RBL1: variants seen among roughly 807,000 people sequenced by gnomAD.
The protein encoded by RBL1 is RB transcriptional corepressor like 1, also known as retinoblastoma-like protein 1.
A neutral mutation model predicts 123.0 loss-of-function variants in RBL1; 82 were observed. That is an observed-to-expected ratio of 0.67 (90% CI 0.56 to 0.80). The LOEUF (loss-of-function observed/expected upper bound fraction) is 0.80, where lower values mean the gene tolerates loss of function less well. Among genes scored for constraint, RBL1 ranks in the 30% least tolerant of loss-of-function variants. The pLI is 0.00. For synonymous variants in RBL1, 405 were observed against 441.3 expected (o/e 0.92, Z 1.03); for missense variants, 1,171 against 1,299.6 (o/e 0.90, Z 1.52).
intron 16 of RBL1, among the ~76,000 whole-genome samples, chr20:37,030,840 G>T (rs1332319783): frequency 2.0e-5 from 3 of 149,230 alleles, no homozygotes; most frequent in African/African-American, 4.9e-5. Flanking sequence ...GGGCAACAGA[G>T]TGAGACTCTG....
intron 7 of RBL1, 128 bp from the exon 8 acceptor site, chr20:37,062,398 T>TCTAA: frequency 7.0e-7 from 1 of 1,420,646 alleles, no homozygotes; most frequent in Admixed American, 2.9e-5. Context: ...ACTCTGACCA[T>TCTAA]CTAACAATAT....
intron 2 of RBL1, among the ~76,000 whole-genome samples, chr20:37,073,705 G>GAAAAA (rs796752326): frequency 1.4e-4 from 14 of 103,152 alleles, no homozygotes; most frequent in South Asian, 7.2e-4. Flanking sequence ...CTCAAAAAAA[G>GAAAAA]AAAAAAAAAA....
chr20:37,013,229 T>C (rs1222617209), intron 19 of RBL1, among the ~76,000 whole-genome samples: 2 of 152,090 alleles, frequency 1.3e-5, no homozygotes, highest in East Asian at 3.9e-4. Flanking sequence ...AGACTTCTCA[T>C]TTTGTTCTGT....
At chr20:37,007,652 G>C in intron 19 of RBL1, 93 bp from the exon 20 acceptor site, 1 of 1,304,184 alleles carries the variant, frequency 7.7e-7, no homozygotes, top group Non-Finnish European at 1.0e-6. Context: ...GAGTGCAGTG[G>C]TGCAATCTTG....
intron 1 of RBL1, among the ~76,000 whole-genome samples, chr20:37,091,123 G>A (rs1245228700): frequency 6.6e-6 from 1 of 152,168 alleles, no homozygotes; most frequent in Non-Finnish European, 1.5e-5. Flanking sequence ...TTGGGAGGCC[G>A]AGATGGGTGG....
chr20:37,067,780 A>C (rs1342669412), intron 3 of RBL1, among the ~76,000 whole-genome samples: 2 of 150,856 alleles, frequency 1.3e-5, no homozygotes, highest in Non-Finnish European at 3.0e-5. Flanking sequence ...AAAAAAAAAA[A>C]AAAAAAAAAA....
intron 2 of RBL1, among the ~76,000 whole-genome samples, chr20:37,080,600 A>C (rs2065433637): frequency 6.6e-6 from 1 of 151,622 alleles, no homozygotes; most frequent in Non-Finnish European, 1.5e-5. Context: ...CTGGGATTAC[A>C]GACACCCACC....
rs1015840742 is a variant in RBL1 at position 37,095,712 on chromosome 20, G to A, written c.156+61C>T. ...CACCACCCCATAGGCCGAGGAAGGG[G>A]CGGGGCAGGGGTGGGGCCTGGCGAG... On this transcript the variant is annotated intron_variant, in intron 1 of 21. Coordinates refer to ENST00000373664, the MANE Select transcript of RBL1 (RefSeq NM_002895.5). 7 of 1,432,910 alleles carry A rather than the reference G, an allele frequency of 4.9e-6. No homozygotes were observed. In the African/African-American group the frequency reaches 5.7e-5, roughly 12 times the overall value. 88.8% of individuals were successfully genotyped at this position (1,432,910 alleles called of 1,614,324 possible).
Position 37,050,935 on chromosome 20 carries a change from T to C in RBL1, c.1468-3745A>G, listed in dbSNP as rs143512917. 2.4e-3 allele frequency among the ~76,000 whole-genome samples: 360 copies of C among 152,240 alleles called. 13 individuals carry two copies. The highest frequency in any genetic ancestry group is 0.02 in the Admixed American group (312 of 15,286). On this transcript the variant is annotated intron_variant, in intron 11 of 21. Transcript: ENST00000373664. ...TTCTCATTAGTAACAGTGGAATCTA[T>C]AATAGAAAATAATGCAACAGTACCT...
chr20:37,005,423 A>G (rs2064054747), intron 20 of RBL1, among the ~76,000 whole-genome samples: 2 of 151,930 alleles, frequency 1.3e-5, no homozygotes, highest in East Asian at 1.9e-4. Flanking sequence ...AAAAAAAAAA[A>G]GTAGGGACAA....
chr20:37,078,200 G>C (rs976140496), intron 2 of RBL1, among the ~76,000 whole-genome samples: 10 of 152,074 alleles, frequency 6.6e-5, no homozygotes, highest in African/African-American at 2.4e-4. Flanking sequence ...TGATAACTTT[G>C]TACTTGATTT....
At chr20:37,095,626 C>T (rs2065723107) in intron 1 of RBL1, 147 bp downstream of exon 1, 3 of 623,364 alleles carry the variant, frequency 4.8e-6, no homozygotes, top group South Asian at 7.9e-5. Flanking sequence ...CTGAGCTACA[C>T]CCACCTTTCC....
intron 9 of RBL1, among the ~76,000 whole-genome samples, chr20:37,057,215 C>T (rs2065026050): frequency 6.6e-6 from 1 of 152,038 alleles, no homozygotes; most frequent in Non-Finnish European, 1.5e-5. Flanking sequence ...GGATGTATAC[C>T]CAGAAGTGGT....
intron 2 of RBL1, among the ~76,000 whole-genome samples, chr20:37,082,380 GA>G (rs2065467064): frequency 6.6e-6 from 1 of 152,140 alleles, no homozygotes; most frequent in Non-Finnish European, 1.5e-5. Flanking sequence ...GGTGTTGGTT[GA>G]ACAATGTGAA....
intron 19 of RBL1, among the ~76,000 whole-genome samples, chr20:37,017,630 G>GTT (rs1170809377): frequency 1.3e-5 from 2 of 150,992 alleles, no homozygotes; most frequent in Non-Finnish European, 3.0e-5. Flanking sequence ...TTGTGTGTGT[G>GTT]TGTGTGTGTG....
At chr20:37,024,583 A>G (rs953886220) in intron 16 of RBL1, among the ~76,000 whole-genome samples, 11 of 152,190 alleles carry the variant, frequency 7.2e-5, no homozygotes, top group African/African-American at 2.7e-4. Flanking sequence ...AATTTACTCA[A>G]TGAATGGTTA....
intron 13 of RBL1, among the ~76,000 whole-genome samples, chr20:37,043,574 C>A (rs1430543347): frequency 6.6e-6 from 1 of 151,966 alleles, no homozygotes; most frequent in African/African-American, 2.4e-5. Context: ...ACTTGAGAGG[C>A]AGAAGGACAG....
Position 37,065,472 on chromosome 20 carries a change from A to G in RBL1, c.848T>C (p.Ile283Thr). 1.9e-6 allele frequency: 3 copies of G among 1,590,512 alleles called. No homozygotes were observed. Among genetic ancestry groups the G allele is most frequent in the Non-Finnish European group, 2.6e-6 (3 of 1,164,048 alleles). The change falls in exon 7 of 22, where the codon ATA becomes ACA. Residue 283 changes from isoleucine to threonine, a missense_variant and splice_region_variant. Coordinates refer to ENST00000373664, the MANE Select transcript of RBL1 (RefSeq NM_002895.5). ...PYISKLFDRK[I>T]LKGECLLDLS... Reference sequence around the variant, plus strand: ...GTCCAGGAGGCATTCTCCTTTTAATATCTGTGAACAAAAAATTATTTTGGG... The same window carrying G: ...GTCCAGGAGGCATTCTCCTTTTAATGTCTGTGAACAAAAAATTATTTTGGG...
chr20:37,045,439 C>T (rs370100797), intron 12 of RBL1, among the ~76,000 whole-genome samples: 1 of 151,380 alleles, frequency 6.6e-6, no homozygotes, highest in Non-Finnish European at 1.5e-5. Context: ...TCAATGAGCA[C>T]ATATCATTTA....
Sources: gnomAD v4.1 joint callset for allele counts (sites outside exome capture counted in the v4.1 genomes callset) on GRCh38, gnomAD v4.1.1 for gene constraint, MANE v1.5 for transcripts, NCBI Gene and HGNC (gene_info 2026-07-23, HGNC 2026-07-21) for gene names.